MYBPC1: variants seen among roughly 807,000 people sequenced by gnomAD.
MYBPC1 encodes myosin-binding protein C, slow-type.
A neutral mutation model predicts 147.1 loss-of-function variants in MYBPC1; 52 were observed. The observed-to-expected ratio is 0.35, with a 90% CI of 0.28 to 0.45. The LOEUF (loss-of-function observed/expected upper bound fraction) is 0.45, where lower values mean the gene tolerates loss of function less well. Among genes scored for constraint, MYBPC1 ranks in the 20% least tolerant of loss-of-function variants. The pLI, the probability that MYBPC1 is intolerant of heterozygous loss-of-function variation, is 1.00. For synonymous variants in MYBPC1, 477 were observed against 475.9 expected (o/e 1.00, Z -0.03); for missense variants, 1,228 against 1,440.3 (o/e 0.85, Z 2.39).
At chr12:101,694,555 G>A in the MYBPC1 span, among the ~76,000 whole-genome samples, 1 of 152,172 alleles carries the variant, frequency 6.6e-6, no homozygotes, top group African/African-American at 2.4e-5. Flanking sequence ...AGACACCAGA[G>A]AGCTTCCTCT....
chr12:101,653,012 T>C, intron 17 of MYBPC1, 103 bp from the exon 18 acceptor site: 4 of 1,441,378 alleles, frequency 2.8e-6, no homozygotes, highest in Non-Finnish European at 3.8e-6. Flanking sequence ...TTCTTTTTGA[T>C]TAGATAAAAT....
chr12:101,674,653 A>T (rs933231801), intron 25 of MYBPC1, among the ~76,000 whole-genome samples: 5 of 152,194 alleles, frequency 3.3e-5, no homozygotes, highest in Non-Finnish European at 5.9e-5. Flanking sequence ...ACTTGGGGCC[A>T]GGAGTTTGAG....
chr12:101,686,810 C>T (rs1195260358), downstream of MYBPC1, among the ~76,000 whole-genome samples: 2 of 151,858 alleles, frequency 1.3e-5, no homozygotes. Context: ...ATGTTGGGCT[C>T]GTAAAGGGAA....
At chr12:101,621,793 T>C (rs1018168194) in intron 3 of MYBPC1, among the ~76,000 whole-genome samples, 1 of 148,624 alleles carries the variant, frequency 6.7e-6, no homozygotes, top group East Asian at 2.1e-4. Flanking sequence ...CACATTCTAC[T>C]ATCTCTGGAG....
downstream of MYBPC1, among the ~76,000 whole-genome samples, chr12:101,687,063 G>GTT (rs920231969): frequency 1.5e-4 from 22 of 151,402 alleles, no homozygotes; most frequent in African/African-American, 3.2e-4. Context: ...ATAACCCATT[G>GTT]TTTTTATATA....
chr12:101,666,894 T>TACATAC (rs1897559742), intron 22 of MYBPC1: 3 of 313,760 alleles, frequency 9.6e-6, no homozygotes, highest in African/African-American at 7.3e-5. Flanking sequence ...ATCACATACA[T>TACATAC]ACACACACAC....
Position 101,634,518 on chromosome 12 carries a change from T to G in MYBPC1, c.557-36T>G, listed in dbSNP as rs190902032. The stretch of plus-strand genomic sequence containing the variant: ...AACTGAACACAAACTACCTCCTTAA[T>G]GGGTATTTATGTTATTGTTTTCTTT... On this transcript the variant is annotated intron_variant, in intron 8 of 31. Transcript: ENST00000361466. The G allele has an allele frequency of 5.3e-4, 813 of 1,528,786 alleles. 1 individual carries two copies. The highest frequency in any genetic ancestry group is 1.6e-4 in the Non-Finnish European group (179 of 1,102,848). 94.7% of individuals were successfully genotyped at this position (1,528,786 alleles called of 1,614,324 possible). A position where few individuals can be genotyped will look rare whatever the true frequency, so the allele number is the denominator to read the frequency against.
intron 30 of MYBPC1, among the ~76,000 whole-genome samples, chr12:101,683,926 A>G (rs1951189517): frequency 6.6e-6 from 1 of 152,198 alleles, no homozygotes; most frequent in African/African-American, 2.4e-5. Context: ...ACACTAGTCT[A>G]ATATTTGTAC....
At chr12:101,657,498 A>T (rs763683562) in intron 18 of MYBPC1, among the ~76,000 whole-genome samples, 2 of 152,218 alleles carry the variant, frequency 1.3e-5, no homozygotes, top group African/African-American at 2.4e-5. Context: ...ATTAACAGAA[A>T]TGAAAGAGGG....
chr12:101,627,046 C>T lies in MYBPC1; in HGVS notation c.142+136C>T, dbSNP rs192211296. 208 of 761,728 alleles carry T rather than the reference C, an allele frequency of 2.7e-4. 1 individual carries two copies. The African/African-American group carries it at 3.3e-3, about 12-fold the overall frequency. The allele number at this position is 761,728 out of a possible 1,614,324, so 47.2% of individuals were successfully genotyped here. On this transcript the variant is annotated intron_variant, in intron 4 of 31. Coordinates refer to ENST00000361466, the MANE Select transcript of MYBPC1 (RefSeq NM_002465.4). ...CAACAGTTTTCGCCTGTGCTGGCACCAAGAAGGAAATGTTGGCTTTAATGA... is the reference window on the plus strand; with the variant it reads ...CAACAGTTTTCGCCTGTGCTGGCACTAAGAAGGAAATGTTGGCTTTAATGA...
At chr12:101,694,401 C>T in the MYBPC1 span, among the ~76,000 whole-genome samples, 1 of 152,086 alleles carries the variant, frequency 6.6e-6, no homozygotes, top group Non-Finnish European at 1.5e-5. Context: ...GGTATCCTGC[C>T]CCTGCTCCAC....
chr12:101,615,474 A>T (rs1479881138), intron 2 of MYBPC1, among the ~76,000 whole-genome samples: 1 of 152,208 alleles, frequency 6.6e-6, no homozygotes, highest in Non-Finnish European at 1.5e-5. Context: ...AGACATACCT[A>T]TCATGTACGT....
intron 23 of MYBPC1, chr12:101,669,928 G>GGAAA: frequency 5.7e-6 from 1 of 175,676 alleles, no homozygotes; most frequent in Non-Finnish European, 1.0e-5. Context: ...GAGACTCTCT[G>GGAAA]AAAAAAAAAA....
chr12:101,620,928 G>A (rs1242595871), intron 3 of MYBPC1, among the ~76,000 whole-genome samples: 1 of 151,842 alleles, frequency 6.6e-6, no homozygotes, highest in African/African-American at 2.4e-5. Context: ...ATAAACTATC[G>A]TGAATGAACC....
At chr12:101,609,297 A>G (rs941077836) in intron 1 of MYBPC1, among the ~76,000 whole-genome samples, 1 of 152,010 alleles carries the variant, frequency 6.6e-6, no homozygotes, top group Non-Finnish European at 1.5e-5. Flanking sequence ...AATTAAAAAA[A>G]AATTTTTTTC....
chr12:101,627,884 A>C, intron 5 of MYBPC1, 80 bp downstream of exon 5: 1 of 1,442,606 alleles, frequency 6.9e-7, no homozygotes, highest in Non-Finnish European at 9.8e-7. Flanking sequence ...AGCTGTATTG[A>C]TTCTAATCCT....
chr12:101,619,059 G>A (rs758488518), intron 3 of MYBPC1, among the ~76,000 whole-genome samples: 12 of 152,080 alleles, frequency 7.9e-5, no homozygotes, highest in Non-Finnish European at 1.5e-4. Context: ...CAAGGACAGA[G>A]AAAATACCTA....
chr12:101,679,751 A>G (rs529809443), intron 28 of MYBPC1, among the ~76,000 whole-genome samples: 1 of 152,274 alleles, frequency 6.6e-6, no homozygotes, highest in South Asian at 2.1e-4. Context: ...AAAAAACAGT[A>G]TCAGGAAAAG....
rs773758798 is a variant in MYBPC1 at position 101,662,325 on chromosome 12, A to G, written c.2033-33A>G. 56 of 1,610,546 alleles carry G rather than the reference A, an allele frequency of 3.5e-5. 2 individuals carry two copies. The South Asian group carries it at 4.8e-4, about 14-fold the overall frequency. On this transcript the variant is annotated intron_variant, in intron 20 of 31. Coordinates refer to ENST00000361466, the MANE Select transcript of MYBPC1 (RefSeq NM_002465.4). ...CAATGTTTAATTTCAGAGACCAAGG[A>G]AAAACCTTAGTTTTCATTTTGCATA... is the stretch of plus-strand genomic sequence containing the variant.
Sources: gnomAD v4.1 joint callset for allele counts (sites outside exome capture counted in the v4.1 genomes callset) on GRCh38, gnomAD v4.1.1 for gene constraint, MANE v1.5 for transcripts, NCBI Gene and HGNC (gene_info 2026-07-23, HGNC 2026-07-21) for gene names.